The following BLTP1 variants were observed in gnomAD, a reference collection of about 807,000 sequenced individuals.
The protein encoded by BLTP1 is fragile site-associated protein.
the BLTP1 span, chr4:122,272,247 G>A: frequency 1.9e-6 from 3 of 1,613,214 alleles, no homozygotes; most frequent in Admixed American, 1.7e-5. Flanking sequence ...CAGAGGAAAC[G>A]TAGCTTGGTA....
At chr4:122,223,315 C>G in the BLTP1 span, among the ~76,000 whole-genome samples, 2 of 152,084 alleles carry the variant, frequency 1.3e-5, no homozygotes, top group East Asian at 3.9e-4. Flanking sequence ...TGTGAGATAG[C>G]CTAGACATAC....
the BLTP1 span, among the ~76,000 whole-genome samples, chr4:122,352,354 T>A: frequency 1.4e-5 from 2 of 141,752 alleles, no homozygotes; most frequent in African/African-American, 5.8e-5. Context: ...TTTTGGTTTT[T>A]CTTTTTTTTT....
At chr4:122,224,499 A>G in the BLTP1 span, 1 of 1,609,642 alleles carries the variant, frequency 6.2e-7, no homozygotes, top group Non-Finnish European at 8.5e-7. Flanking sequence ...TGTTTTCAGC[A>G]GCGACCCCCT....
the BLTP1 span, among the ~76,000 whole-genome samples, chr4:122,327,211 C>T: frequency 1.3e-5 from 2 of 150,786 alleles, no homozygotes; most frequent in African/African-American, 4.9e-5. Flanking sequence ...GTAGTCATCT[C>T]TCAATATCTG....
chr4:122,328,143 A>G, the BLTP1 span: 13 of 1,609,222 alleles, frequency 8.1e-6, no homozygotes, highest in Non-Finnish European at 1.1e-5. Context: ...GTCAGTAACC[A>G]TTGAAGGTCC....
At chr4:122,244,230 A>G in the BLTP1 span, 7 of 271,664 alleles carry the variant, frequency 2.6e-5, no homozygotes, top group Admixed American at 6.5e-5. Context: ...TTCAGTTATC[A>G]TTTGCTACTT....
the BLTP1 span, chr4:122,172,176 C>A: frequency 5.6e-6 from 2 of 357,742 alleles, no homozygotes; most frequent in Non-Finnish European, 7.8e-6. Context: ...TTTATGTTGA[C>A]TCTCAGTGAT....
chr4:122,247,047 GTA>G, the BLTP1 span: 1 of 1,325,256 alleles, frequency 7.5e-7, no homozygotes, highest in Non-Finnish European at 1.0e-6. Flanking sequence ...TACTATTGGT[GTA>G]TAATAGTAGA....
the BLTP1 span, chr4:122,250,516 A>G: frequency 1.2e-6 from 2 of 1,613,836 alleles, no homozygotes; most frequent in Non-Finnish European, 1.7e-6. Context: ...ATAATCTTCC[A>G]TGTGACCGGA....
chr4:122,361,907 T>G, the BLTP1 span: 1 of 1,078,164 alleles, frequency 9.3e-7, no homozygotes. Flanking sequence ...TTTATACAAA[T>G]GTACCTACTG....
the BLTP1 span, among the ~76,000 whole-genome samples, chr4:122,159,934 G>A: frequency 6.6e-6 from 1 of 152,322 alleles, no homozygotes; most frequent in East Asian, 1.9e-4. Flanking sequence ...TGTTTGTTGT[G>A]TATAGAATCC....
the BLTP1 span, chr4:122,334,429 C>G: frequency 6.2e-7 from 1 of 1,613,090 alleles, no homozygotes; most frequent in Non-Finnish European, 8.5e-7. Context: ...TCCAAAGAGT[C>G]CAAGCTGTAT....
chr4:122,336,304 A>C, the BLTP1 span: 1 of 1,612,442 alleles, frequency 6.2e-7, no homozygotes, highest in Non-Finnish European at 8.5e-7. Flanking sequence ...ACTTTCTGGA[A>C]AAAGCTCTGG....
chr4:122,283,245 ATATAACCAGTGATCATT>A, the BLTP1 span, among the ~76,000 whole-genome samples: 5,445 of 152,222 alleles, frequency 0.036, 345 homozygotes, highest in African/African-American at 0.12. Flanking sequence ...ATGGGATAGT[ATATAACCAGTGATCATT>A]GTATATAACC....
the BLTP1 span, chr4:122,301,404 T>C: frequency 6.6e-7 from 1 of 1,513,668 alleles, no homozygotes; most frequent in Non-Finnish European, 8.9e-7. Flanking sequence ...CAAGGTAACA[T>C]AAATATAATG....
the BLTP1 span, chr4:122,336,179 A>G: frequency 3.2e-6 from 5 of 1,557,074 alleles, no homozygotes; most frequent in Non-Finnish European, 4.3e-6. Context: ...AATGGAATTT[A>G]TAAATGTTCT....
At chr4:122,244,578 A>G in the BLTP1 span, 3 of 841,944 alleles carry the variant, frequency 3.6e-6, no homozygotes, top group Non-Finnish European at 4.3e-6. Context: ...ACTAACATGA[A>G]TAAAAATGAG....
the BLTP1 span, chr4:122,237,624 A>T: frequency 5.4e-6 from 4 of 742,376 alleles, no homozygotes; most frequent in Non-Finnish European, 4.9e-6. Context: ...GAAGAAAAAA[A>T]TTCACTGTTT....
the BLTP1 span, chr4:122,350,062 T>A: frequency 5.0e-6 from 8 of 1,613,628 alleles, no homozygotes; most frequent in Non-Finnish European, 6.8e-6. Context: ...AGAAAAAAGT[T>A]CACAAGAACA....
Sources: allele counts gnomAD v4.1 joint callset (sites outside exome capture counted in the v4.1 genomes callset), GRCh38; gene constraint gnomAD v4.1.1; transcripts MANE v1.5; gene names NCBI Gene and HGNC (gene_info 2026-07-23, HGNC 2026-07-21).